The following PLOD2 variants were observed in gnomAD, a reference collection of about 807,000 sequenced individuals.
The protein encoded by PLOD2 is procollagen-lysine,2-oxoglutarate 5-dioxygenase 2.
Under a neutral mutation model 101.0 loss-of-function variants are expected in PLOD2, and 65 were observed. That is an observed-to-expected ratio of 0.64 (90% confidence interval 0.53 to 0.79). The LOEUF is 0.79. PLOD2 is among the 30% of genes least tolerant of loss of function. The pLI is 0.00. For synonymous variants in PLOD2, 314 were observed against 302.9 expected (o/e 1.04, Z -0.38); for missense variants, 909 against 914.6 (o/e 0.99, Z 0.08).
At chr3:146,143,342 T>G (rs973514317) in intron 1 of PLOD2, among the ~76,000 whole-genome samples, 2 of 152,116 alleles carry the variant, frequency 1.3e-5, no homozygotes, top group Non-Finnish European at 2.9e-5. Context: ...CAATTGGTGT[T>G]AAGACTTAAA....
intron 1 of PLOD2, among the ~76,000 whole-genome samples, chr3:146,146,579 G>T (rs1440732624): frequency 6.6e-6 from 1 of 152,120 alleles, no homozygotes; most frequent in African/African-American, 2.4e-5. Flanking sequence ...AGCAGCAAAG[G>T]CTGTGGCTGA....
In PLOD2 at chr3:146,110,345, T is replaced by C. The variant is rs1489597431; in HGVS notation, c.442A>G (p.Lys148Glu). 9.9e-6 allele frequency: 16 copies of C among 1,613,754 alleles called. No individual in the cohort carries two copies. Among genetic ancestry groups the C allele is most frequent in the Non-Finnish European group, 1.4e-5 (16 of 1,179,840 alleles). Residue 148 changes from lysine (K) to glutamate (E), a missense_variant, in exon 4 of 20, where the codon AAA (lysine) becomes GAA (glutamate). By Grantham distance (56) the Lys-to-Glu change is moderately conservative. Coordinates refer to ENST00000282903, the MANE Select transcript of PLOD2 (RefSeq NM_182943.3). Reference sequence around the variant, plus strand: ...ACAGGATACTTGTCTGCTAGTCTTTTATCTGGCCACAAAATTCCATCTGCT... The same window carrying C: ...ACAGGATACTTGTCTGCTAGTCTTTCATCTGGCCACAAAATTCCATCTGCT... ...FAADGILWPD[K>E]RLADKYPVVH... is the part of the protein sequence containing the mutation.
At chr3:146,079,001 T>C in intron 13 of PLOD2, 115 bp downstream of exon 13, 1 of 972,340 alleles carries the variant, frequency 1.0e-6, no homozygotes. Flanking sequence ...CCAAAAAAAT[T>C]GGCTAGTACT....
intron 14 of PLOD2, chr3:146,077,440 A>C (rs1936385691): frequency 6.1e-6 from 1 of 164,628 alleles, no homozygotes; most frequent in Non-Finnish European, 1.3e-5. Flanking sequence ...AATGTGGCAA[A>C]CACCACTAGG....
intron 1 of PLOD2, among the ~76,000 whole-genome samples, chr3:146,137,477 G>C (rs1289851438): frequency 6.6e-6 from 1 of 152,116 alleles, no homozygotes; most frequent in Non-Finnish European, 1.5e-5. Flanking sequence ...TATAACTCCT[G>C]GTCTCAAGTG....
intron 11 of PLOD2, among the ~76,000 whole-genome samples, chr3:146,084,582 T>C (rs1936689954): frequency 6.6e-6 from 1 of 151,942 alleles, no homozygotes; most frequent in Non-Finnish European, 1.5e-5. Context: ...TTAGCAGGAG[T>C]AGTAAAAATG....
intron 15 of PLOD2, chr3:146,076,445 T>C (rs1936337259): frequency 5.5e-6 from 1 of 183,354 alleles, no homozygotes; most frequent in Admixed American, 5.9e-5. Flanking sequence ...ATGACTTACT[T>C]TCTTTTGGCT....
chr3:146,126,906 T>C (rs1201263627), intron 1 of PLOD2, among the ~76,000 whole-genome samples: 1 of 152,164 alleles, frequency 6.6e-6, no homozygotes, highest in Non-Finnish European at 1.5e-5. Flanking sequence ...CAATCTGTTT[T>C]AAAGTTAATT....
At chr3:146,143,975 G>A (rs998378076) in intron 1 of PLOD2, among the ~76,000 whole-genome samples, 1 of 151,918 alleles carries the variant, frequency 6.6e-6, no homozygotes, top group East Asian at 1.9e-4. Flanking sequence ...TGGCTGCTCT[G>A]CAGACACATC....
At chr3:146,150,076 T>C (rs1041812415) in intron 1 of PLOD2, among the ~76,000 whole-genome samples, 3 of 152,132 alleles carry the variant, frequency 2.0e-5, no homozygotes, top group African/African-American at 7.2e-5. Flanking sequence ...ATCAAAGAAG[T>C]CCAGATTAAA....
At chr3:146,075,280 C>T (rs1406345456) in intron 15 of PLOD2, among the ~76,000 whole-genome samples, 1 of 151,430 alleles carries the variant, frequency 6.6e-6, no homozygotes. Flanking sequence ...CTCAACTATT[C>T]CTACAAAATA....
chr3:146,081,625 C>T, intron 12 of PLOD2, 113 bp downstream of exon 12: 4 of 785,182 alleles, frequency 5.1e-6, no homozygotes, highest in South Asian at 3.4e-5. Context: ...TCTCAAATTC[C>T]CATTAACTAT....
rs145809663 is a variant in PLOD2 at position 146,104,306 on chromosome 3, T to C, written c.652A>G (p.Ile218Val). ...ACAGCTCCATTTAAGGTCTGGAAAA[T>C]TTTGCATTTGTGATCCAATGTGATG... ...INITLDHKCK[I>V]FQTLNGAVDE... Residue 218 changes from isoleucine to valine, a missense_variant, in exon 6 of 20, where the codon ATT becomes GTT. By Grantham distance (29) the Ile-to-Val change is conservative. Coordinates refer to ENST00000282903, the MANE Select transcript of PLOD2 (RefSeq NM_182943.3). 7,126 of 1,595,212 alleles carry C rather than the reference T, an allele frequency of 4.5e-3. 29 individuals carry two copies. Among genetic ancestry groups the C allele is most frequent in the Non-Finnish European group, 5.5e-3 (6,404 of 1,162,812 alleles).
chr3:146,081,223 A>G (rs927989175), intron 12 of PLOD2, among the ~76,000 whole-genome samples: 1 of 152,242 alleles, frequency 6.6e-6, no homozygotes, highest in Admixed American at 6.5e-5. Context: ...ATTCTTTTCA[A>G]TCTCTAGAAG....
chr3:146,102,614 T>C, intron 7 of PLOD2, 141 bp downstream of exon 7: 1 of 617,132 alleles, frequency 1.6e-6, no homozygotes, highest in South Asian at 1.9e-5. Flanking sequence ...GATGATATAC[T>C]GTGTAAAAGA....
chr3:146,080,954 C>CT (rs113463757), intron 12 of PLOD2, among the ~76,000 whole-genome samples: 3,148 of 151,412 alleles, frequency 0.021, 105 homozygotes, highest in African/African-American at 0.071. Context: ...AAACGTGTGC[C>CT]TTTTTTTTTC....
chr3:146,151,593 G>T (rs1018810012), intron 1 of PLOD2, among the ~76,000 whole-genome samples: 3 of 152,100 alleles, frequency 2.0e-5, no homozygotes, highest in African/African-American at 7.2e-5. Context: ...GCTCAAGGTT[G>T]GTGAGTGGAA....
At chr3:146,150,434 A>G (rs1305502685) in intron 1 of PLOD2, among the ~76,000 whole-genome samples, 1 of 152,172 alleles carries the variant, frequency 6.6e-6, no homozygotes, top group Non-Finnish European at 1.5e-5. Context: ...GAGAACATGG[A>G]TGGAGCTGGA....
chr3:146,080,452 C>A (rs1023671050), intron 12 of PLOD2, among the ~76,000 whole-genome samples: 2 of 152,052 alleles, frequency 1.3e-5, no homozygotes, highest in African/African-American at 2.4e-5. Flanking sequence ...TTACTGTATA[C>A]AACGTGTCAG....
Sources: allele counts gnomAD v4.1 joint callset (sites outside exome capture counted in the v4.1 genomes callset), GRCh38; gene constraint gnomAD v4.1.1; transcripts MANE v1.5; gene names NCBI Gene and HGNC (gene_info 2026-07-23, HGNC 2026-07-21).